The following KIAA0040 variants were observed in gnomAD, a reference collection of about 807,000 sequenced individuals.
The protein encoded by KIAA0040 is uncharacterized protein KIAA0040.
In KIAA0040, 10 loss-of-function variants were observed where a neutral mutation model predicts 7.2. The ratio of observed to expected loss-of-function variants is 1.38; its 90% CI spans 0.85 to 2.34. The LOEUF (loss-of-function observed/expected upper bound fraction) is 2.34, where lower values mean the gene tolerates loss of function less well. Among genes scored for constraint, KIAA0040 ranks in the 30% most tolerant of loss-of-function variants. The pLI, the probability that KIAA0040 is intolerant of heterozygous loss-of-function variation, is 0.00. For synonymous variants in KIAA0040, 49 were observed against 40.1 expected (o/e 1.22, Z -0.84); for missense variants, 89 against 108.2 (o/e 0.82, Z 0.79).
chr1:175,160,614 A>T lies in KIAA0040; in HGVS notation c.*100T>A. ...CCTTGGTTGAGTAGTTACTCTGTGG[A>T]CATGGACATAGTGCATTATTTCAGG... On this transcript the variant is annotated 3_prime_UTR_variant, in exon 4 of 4. Coordinates refer to ENST00000423313, the MANE Select transcript of KIAA0040 (RefSeq NM_014656.3). 1.7e-6 allele frequency: 2 copies of T among 1,144,834 alleles called. No individual in the cohort carries two copies. The allele number at this position is 1,144,834 out of a possible 1,614,324, so 70.9% of individuals were successfully genotyped here.
chr1:175,176,643 C>G (rs1571205080), intron 2 of KIAA0040, among the ~76,000 whole-genome samples: 1 of 126,760 alleles, frequency 7.9e-6, no homozygotes, highest in South Asian at 2.7e-4. Flanking sequence ...ATTGAGTACA[C>G]ATCCAGTGTC....
At chr1:175,182,870 T>C (rs909124879) in intron 1 of KIAA0040, among the ~76,000 whole-genome samples, 1 of 152,222 alleles carries the variant, frequency 6.6e-6, no homozygotes, top group African/African-American at 2.4e-5. Context: ...TGGCTTCACC[T>C]GTCAGGCACC....
chr1:175,187,769 C>T (rs1178133709), intron 1 of KIAA0040, among the ~76,000 whole-genome samples: 6 of 152,170 alleles, frequency 3.9e-5, no homozygotes, highest in African/African-American at 1.4e-4. Flanking sequence ...GAACCTGTGG[C>T]CCACAGCTCT....
At chr1:175,162,879 C>G (rs1676602004) in intron 3 of KIAA0040, among the ~76,000 whole-genome samples, 1 of 152,186 alleles carries the variant, frequency 6.6e-6, no homozygotes, top group South Asian at 2.1e-4. Context: ...GTCCATGGAG[C>G]CCAAAGAAAT....
chr1:175,181,115 G>A (rs1429352877), intron 1 of KIAA0040, among the ~76,000 whole-genome samples: 1 of 152,146 alleles, frequency 6.6e-6, no homozygotes, highest in African/African-American at 2.4e-5. Context: ...GCTTCCCAAA[G>A]TGCTGAGAGT....
intron 2 of KIAA0040, among the ~76,000 whole-genome samples, chr1:175,168,817 A>G (rs1316294146): frequency 6.6e-6 from 1 of 152,212 alleles, no homozygotes. Flanking sequence ...AGCACGAGTG[A>G]GACCATACTT....
chr1:175,163,230 C>A (rs1036023941), intron 3 of KIAA0040, among the ~76,000 whole-genome samples: 3 of 152,206 alleles, frequency 2.0e-5, no homozygotes, highest in Non-Finnish European at 4.4e-5. Flanking sequence ...TTTGGCTATT[C>A]CCCAGATTAA....
intron 1 of KIAA0040, among the ~76,000 whole-genome samples, chr1:175,189,306 T>C (rs1416084308): frequency 1.3e-5 from 2 of 152,152 alleles, no homozygotes; most frequent in Non-Finnish European, 2.9e-5. Context: ...TCAGGGCCAT[T>C]GGATTAAATG....
chr1:175,160,522 T>A lies in KIAA0040; in HGVS notation c.*192A>T. 1.7e-6 allele frequency: 1 copy of A among 600,504 alleles called. No homozygotes were observed. The highest frequency in any genetic ancestry group is 2.1e-5 in the South Asian group (1 of 47,010). 37.2% of individuals were successfully genotyped at this position (600,504 alleles called of 1,614,324 possible). A position where few individuals can be genotyped will look rare whatever the true frequency, so the allele number is the denominator to read the frequency against. On this transcript the variant is annotated 3_prime_UTR_variant, in exon 4 of 4. Transcript: ENST00000423313. ...ATTGGACACATAGCTGCCAAGACAGTATCCAAGAATTGTCCACGTGGTCCC... is the reference window on the plus strand; with the variant it reads ...ATTGGACACATAGCTGCCAAGACAGAATCCAAGAATTGTCCACGTGGTCCC...
At chr1:175,172,541 C>T (rs1355367955) in intron 2 of KIAA0040, among the ~76,000 whole-genome samples, 5 of 152,208 alleles carry the variant, frequency 3.3e-5, no homozygotes, top group African/African-American at 1.2e-4. Flanking sequence ...CACTGCACTC[C>T]AGTCCAGGTG....
At chr1:175,187,384 T>G (rs1466528018) in intron 1 of KIAA0040, among the ~76,000 whole-genome samples, 2 of 152,156 alleles carry the variant, frequency 1.3e-5, no homozygotes, top group Non-Finnish European at 1.5e-5. Context: ...CCAGTGTGCA[T>G]GAGTGGCTGT....
Position 175,160,677 on chromosome 1 carries a change from T to C in KIAA0040, c.*37A>G. The C allele has an allele frequency of 6.6e-7, 1 of 1,510,614 alleles. No homozygotes were observed. The highest frequency in any genetic ancestry group is 8.9e-7 in the Non-Finnish European group (1 of 1,129,888). The allele number at this position is 1,510,614 out of a possible 1,614,324, so 93.6% of individuals were successfully genotyped here. On this transcript the variant is annotated 3_prime_UTR_variant, in exon 4 of 4. Transcript: ENST00000423313. ...GTCTGTGTGTGGTCAGAAGGAGGCT[T>C]AGCCCCAGAAAGGAAACACCTCTGC...
intron 1 of KIAA0040, among the ~76,000 whole-genome samples, chr1:175,184,319 C>T (rs1341298531): frequency 3.9e-5 from 6 of 152,320 alleles, no homozygotes; most frequent in East Asian, 1.9e-4. Flanking sequence ...TGGGGTCTCA[C>T]GTCACATTAC....
intron 2 of KIAA0040, among the ~76,000 whole-genome samples, chr1:175,173,748 G>A (rs1355572431): frequency 1.3e-5 from 2 of 152,206 alleles, no homozygotes; most frequent in African/African-American, 4.8e-5. Context: ...AGGAGCTCAT[G>A]TTTTAATAGG....
rs1408299882 is a variant in KIAA0040, at chr1:175,159,062, G to C, written c.*1652C>G. The C allele has an allele frequency of 6.6e-6, 1 of 152,206 alleles. No individual in the cohort carries two copies. Among genetic ancestry groups the C allele is most frequent in the African/African-American group, 2.4e-5 (1 of 41,452 alleles). 9.4% of individuals were successfully genotyped at this position (152,206 alleles called of 1,614,324 possible). A position where few individuals can be genotyped will look rare whatever the true frequency, so the allele number is the denominator to read the frequency against. On this transcript the variant is annotated 3_prime_UTR_variant, in exon 4 of 4. Transcript: ENST00000423313. ...TAGATAGCAATTTTGCCACTGTGTA[G>C]AATAGCTTCCTTGGGAAAATATTTC...
Position 175,158,338 on chromosome 1 carries a change from T to A in KIAA0040, c.*2376A>T, listed in dbSNP as rs192989478. Reference sequence around the variant, plus strand: ...TTGGATTAGGAGACAGCAGGGACATTGTGCCTGGAGATAGAGGCCTTGTCA... The same window carrying A: ...TTGGATTAGGAGACAGCAGGGACATAGTGCCTGGAGATAGAGGCCTTGTCA... On this transcript the variant is annotated 3_prime_UTR_variant, in exon 4 of 4. Coordinates refer to ENST00000423313, the MANE Select transcript of KIAA0040 (RefSeq NM_014656.3). 1 of 152,290 alleles carries A rather than the reference T, an allele frequency of 6.6e-6. No homozygotes were observed. The highest frequency in any genetic ancestry group is 1.9e-4 in the East Asian group (1 of 5,170). 9.4% of individuals were successfully genotyped at this position (152,290 alleles called of 1,614,324 possible). A position where few individuals can be genotyped will look rare whatever the true frequency, so the allele number is the denominator to read the frequency against.
chr1:175,191,375 C>T (rs557508916), intron 1 of KIAA0040, among the ~76,000 whole-genome samples: 113 of 152,292 alleles, frequency 7.4e-4, no homozygotes, highest in African/African-American at 2.6e-3. Context: ...TGCATGGAGG[C>T]CAAAGAAACT....
At chr1:175,168,366 T>C (rs1405404945) in intron 2 of KIAA0040, among the ~76,000 whole-genome samples, 1 of 152,180 alleles carries the variant, frequency 6.6e-6, no homozygotes, top group East Asian at 1.9e-4. Context: ...TAACTAGTCC[T>C]AATACAAAGT....
Position 175,160,924 on chromosome 1 carries a change from T to C in KIAA0040, c.90A>G (p.Gly30=). 3 of 1,551,566 alleles carry C rather than the reference T, an allele frequency of 1.9e-6. No individual in the cohort carries two copies. Among genetic ancestry groups the C allele is most frequent in the Non-Finnish European group, 2.6e-6 (3 of 1,146,984 alleles). ...CCAAGAGTGGCAGGCCCAGGAGGAC[T>C]CCCAGGCAGATGGTGTTGTAGATGC... ...QEGIYNTICL[G]VLLGLPLLVI... Residue 30 remains glycine (G), a synonymous_variant, in exon 4 of 4, where the codon GGA becomes GGG. Coordinates refer to ENST00000423313, the MANE Select transcript of KIAA0040 (RefSeq NM_014656.3).
Sources: gnomAD v4.1 joint callset for allele counts (sites outside exome capture counted in the v4.1 genomes callset) on GRCh38, gnomAD v4.1.1 for gene constraint, MANE v1.5 for transcripts, NCBI Gene and HGNC (gene_info 2026-07-23, HGNC 2026-07-21) for gene names.